ELFN1: variants seen among roughly 807,000 people sequenced by gnomAD.
ELFN1 encodes extracellular leucine rich repeat and fibronectin type III domain containing 1, also known as protein ELFN1.
A neutral mutation model predicts 7.6 loss-of-function variants in ELFN1; 6 were observed. The ratio of observed to expected loss-of-function variants is 0.79; its 90% CI spans 0.43 to 1.56. ELFN1 has a LOEUF of 1.56. ELFN1 is among the 40% of genes most tolerant of loss of function. The probability of loss-of-function intolerance (pLI) is 0.01; values close to 1 mark genes in which losing one functional copy is unlikely to be tolerated. For synonymous variants in ELFN1, 657 were observed against 588.1 expected, an observed-to-expected ratio of 1.12 and a Z score of -1.70; for missense variants, 1,169 against 1,232.2, an observed-to-expected ratio of 0.95 and a Z score of 0.77.
intron 2 of ELFN1, among the ~76,000 whole-genome samples, chr7:1,696,525 G>T (rs1399712585): frequency 6.6e-6 from 1 of 151,942 alleles, no homozygotes; most frequent in Non-Finnish European, 1.5e-5. Flanking sequence ...CATAGTAGCT[G>T]GGACCACAGG....
rs1402888327 is a variant in ELFN1 at position 1,740,743 on chromosome 7, G to T, written c.-293-3561G>T. ...CCCCCCCGGCCCCTGACAGGAGGCT[G>T]CACAGGGCTGACTCACAGTGTGACT... is the stretch of plus-strand genomic sequence containing the variant. On this transcript the variant is annotated intron_variant, in intron 3 of 3. Coordinates refer to ENST00000424383, the MANE Select transcript of ELFN1 (RefSeq NM_001128636.4). The surrounding 1 kb of genome is among the most constrained non-coding windows in gnomAD (Gnocchi z 5.0). Among the ~76,000 whole-genome samples the T allele has an allele frequency of 6.6e-6, 1 of 152,172 alleles. No homozygotes were observed. The highest frequency in any genetic ancestry group is 1.5e-5 in the Non-Finnish European group (1 of 68,024).
intron 3 of ELFN1, among the ~76,000 whole-genome samples, chr7:1,723,955 C>T (rs894839847): frequency 2.6e-5 from 4 of 152,224 alleles, no homozygotes; most frequent in Non-Finnish European, 2.9e-5. Context: ...CACTCATTCA[C>T]CCGGAAACAT....
chr7:1,687,638 C>T (rs1484891754), intron 1 of ELFN1, among the ~76,000 whole-genome samples: 1 of 152,134 alleles, frequency 6.6e-6, no homozygotes, highest in African/African-American at 2.4e-5. Flanking sequence ...GTAAGATCAA[C>T]TGGATTAGTA....
chr7:1,717,903 C>T (rs538256637), intron 3 of ELFN1, among the ~76,000 whole-genome samples: 1 of 152,306 alleles, frequency 6.6e-6, no homozygotes, highest in African/African-American at 2.4e-5. Flanking sequence ...GCCAGGCCCC[C>T]TCCCTTGTAA....
At chr7:1,684,521 T>C (rs1397742582) in intron 1 of ELFN1, among the ~76,000 whole-genome samples, 2 of 152,290 alleles carry the variant, frequency 1.3e-5, no homozygotes, top group East Asian at 3.9e-4. Flanking sequence ...CCATGTCTCA[T>C]GTCTTTACCC....
chr7:1,701,277 C>G (rs1489065848), intron 2 of ELFN1, among the ~76,000 whole-genome samples: 1 of 152,008 alleles, frequency 6.6e-6, no homozygotes, highest in Non-Finnish European at 1.5e-5. Context: ...CCTTGACCTC[C>G]CTGGCTCAAA....
upstream of ELFN1, among the ~76,000 whole-genome samples, chr7:1,666,597 T>C (rs1019278917): frequency 6.7e-6 from 1 of 150,370 alleles, no homozygotes; most frequent in African/African-American, 2.5e-5. The surrounding 1 kb of genome is among the most constrained non-coding windows in gnomAD (Gnocchi z 7.9). Flanking sequence ...CCCGAAACTT[T>C]CCGGAGCGCG....
intron 3 of ELFN1, among the ~76,000 whole-genome samples, chr7:1,727,206 A>AG (rs1304164919): frequency 6.6e-6 from 1 of 152,148 alleles, no homozygotes; most frequent in Non-Finnish European, 1.5e-5. Context: ...TGAGCACACG[A>AG]GGGGGGTGGA....
intron 1 of ELFN1, among the ~76,000 whole-genome samples, chr7:1,679,689 G>T (rs1778939042): frequency 6.6e-6 from 1 of 152,218 alleles, no homozygotes; most frequent in South Asian, 2.1e-4. Context: ...ACCAAGCGGG[G>T]TGGCATTTGT....
upstream of ELFN1, among the ~76,000 whole-genome samples, chr7:1,669,024 G>C (rs1310975138): frequency 2.0e-5 from 3 of 152,118 alleles, no homozygotes; most frequent in Admixed American, 1.3e-4. Flanking sequence ...TACTAAATTC[G>C]GGCCAGTGCT....
chr7:1,701,706 G>T (rs1779431708), intron 2 of ELFN1, among the ~76,000 whole-genome samples: 3 of 152,148 alleles, frequency 2.0e-5, no homozygotes, highest in Non-Finnish European at 4.4e-5. Context: ...GGAGGCTGGG[G>T]TGGGAGGATC....
chr7:1,741,111 C>G lies in ELFN1; in HGVS notation c.-293-3193C>G, dbSNP rs553944810. Among the ~76,000 whole-genome samples the G allele has an allele frequency of 1.3e-3, 171 of 128,334 alleles. 1 individual carries two copies. The highest frequency in any genetic ancestry group is 4.9e-3 in the African/African-American group (167 of 33,916). 84.2% of individuals were successfully genotyped at this position (128,334 alleles called of 152,430 possible). A position where few individuals can be genotyped will look rare whatever the true frequency, so the allele number is the denominator to read the frequency against. Reference sequence around the variant, plus strand: ...CACCACTGCACTCCAGCCTGGGTGACAGAGCAAGACTCTGTCTCAAAAAAA... The same window carrying G: ...CACCACTGCACTCCAGCCTGGGTGAGAGAGCAAGACTCTGTCTCAAAAAAA... On this transcript the variant is annotated intron_variant, in intron 3 of 3. Transcript: ENST00000424383.
In ELFN1 at chr7:1,740,804, C is replaced by T. The variant is rs144700816; in HGVS notation, c.-293-3500C>T. 1.0e-3 allele frequency among the ~76,000 whole-genome samples: 153 copies of T among 152,318 alleles called. 2 individuals are homozygous for T. The highest frequency in any genetic ancestry group is 3.4e-3 in the African/African-American group (140 of 41,576). The stretch of plus-strand genomic sequence containing the variant: ...CCTTCTGTGTCTGTGCCTCAGTTTC[C>T]CCGCTGTAAAGTGAGCTGCAGAATG... On this transcript the variant is annotated intron_variant, in intron 3 of 3. Transcript: ENST00000424383. This position sits in a 1 kb window ranked among gnomAD's most constrained non-coding sequence, Gnocchi z 5.0.
In ELFN1 at chr7:1,746,707, G is replaced by T; in HGVS notation, c.2111G>T (p.Arg704Leu). 2.0e-6 allele frequency: 3 copies of T among 1,468,742 alleles called. No homozygotes were observed. The highest frequency in any genetic ancestry group is 2.7e-6 in the Non-Finnish European group (3 of 1,116,658). 91.0% of individuals were successfully genotyped at this position (1,468,742 alleles called of 1,614,324 possible). A position where few individuals can be genotyped will look rare whatever the true frequency, so the allele number is the denominator to read the frequency against. The change falls in exon 4 of 4, where the codon CGG (arginine) becomes CTG (leucine). Residue 704 changes from arginine to leucine, a missense_variant. Physicochemically the swap from Arg to Leu is moderately radical, Grantham distance 102. Transcript: ENST00000424383. ...AEKGRQYGEH[R>L]HSYPGSHPAE... is the part of the protein sequence containing the mutation. Reference sequence around the variant, plus strand: ...AAGGGTCGCCAGTACGGCGAGCACCGGCACTCGTACCCCGGCTCCCACCCG... The same window carrying T: ...AAGGGTCGCCAGTACGGCGAGCACCTGCACTCGTACCCCGGCTCCCACCCG...
At position 1,745,296 on chromosome 7, in the gene ELFN1, C is replaced by T. The variant is rs1045208911; in HGVS notation, c.700C>T (p.Gln234Ter). The part of the protein sequence containing the change: ...PVYSGYYLLG[Q>*]GRRGHRSILS... ...CTACTCCGGCTACTACCTCCTGGGC[C>T]AGGGCCGCCGCGGCCACCGCAGCAT... Residue 234 changes from glutamine (Q) to a stop codon, truncating the protein, a stop_gained, in exon 4 of 4, where the codon CAG becomes TAG. Transcript: ENST00000424383. LOFTEE classifies it low-confidence loss of function (END_TRUNC). 2 of 1,538,656 alleles carry T rather than the reference C, an allele frequency of 1.3e-6. No homozygotes were observed. The highest frequency in any genetic ancestry group is 1.7e-6 in the Non-Finnish European group (2 of 1,146,810).
chr7:1,732,996 G>A (rs531277470), intron 3 of ELFN1, among the ~76,000 whole-genome samples: 1 of 152,260 alleles, frequency 6.6e-6, no homozygotes, highest in South Asian at 2.1e-4. Context: ...TGCCTCCTGG[G>A]TTCAAGCGAT....
chr7:1,747,326 A>ACC lies in ELFN1; in HGVS notation c.*244_*245insCC. On this transcript the variant is annotated 3_prime_UTR_variant, in exon 4 of 4. Coordinates refer to ENST00000424383, the MANE Select transcript of ELFN1 (RefSeq NM_001128636.4). ...TCCACACACACACACACACACACAC[A>ACC]CACACACACGAGGGACTTCGGAAAA... The ACC allele has an allele frequency of 3.9e-6, 1 of 255,004 alleles. No individual in the cohort carries two copies. 15.8% of individuals were successfully genotyped at this position (255,004 alleles called of 1,614,324 possible).
chr7:1,737,253 C>A (rs755909384), intron 3 of ELFN1, among the ~76,000 whole-genome samples: 8 of 152,184 alleles, frequency 5.3e-5, no homozygotes, highest in Non-Finnish European at 1.0e-4. Flanking sequence ...TCCTCTTTCC[C>A]TGCAGGCCCC....
intron 1 of ELFN1, among the ~76,000 whole-genome samples, chr7:1,675,785 G>A (rs750858463): frequency 7.2e-5 from 11 of 152,210 alleles, no homozygotes; most frequent in Admixed American, 1.3e-4. Context: ...TCACAGTCCC[G>A]CGCTGTCGAG....
Sources: allele counts gnomAD v4.1 joint callset (sites outside exome capture counted in the v4.1 genomes callset), GRCh38; gene constraint gnomAD v4.1.1; non-coding constraint Gnocchi (gnomAD v3.1); transcripts MANE v1.5; gene names NCBI Gene and HGNC (gene_info 2026-07-23, HGNC 2026-07-21).